Variants in RAB3D observed in about 807,000 individuals in gnomAD.
RAB3D encodes the protein RAB3D, member RAS oncogene family, also known as ras-related protein Rab-3D.
RAB3D carries 17 observed loss-of-function variants against 19.3 expected under a neutral mutation model. The observed-to-expected ratio is 0.88, with a 90% CI of 0.60 to 1.32. RAB3D has a LOEUF of 1.32. Ranked by LOEUF, RAB3D falls within the 40% of genes most tolerant of loss-of-function variation. RAB3D has a pLI of 0.00. For missense variants in RAB3D, 223 were observed against 299.1 expected (o/e 0.75, Z 1.88); for synonymous variants, 103 against 119.9 (o/e 0.86, Z 0.92).
chr19:11,335,031 T>C (rs2080847363), intron 4 of RAB3D, among the ~76,000 whole-genome samples: 2 of 152,032 alleles, frequency 1.3e-5, no homozygotes, highest in South Asian at 4.1e-4. Context: ...AAATAAAAAA[T>C]AAAAAAATAA....
At position 11,324,142 on chromosome 19, in the gene RAB3D, C is replaced by T. The variant is rs1467747424; in HGVS notation, c.*1256G>A. ...CAAGTTACTCAATCCTACCTCCTCA[C>T]CCCTTCCGCCCAACCCCCAGCATCC... On this transcript the variant is annotated 3_prime_UTR_variant, in exon 5 of 5. Transcript: ENST00000222120. 6.6e-6 allele frequency: 1 copy of T among 152,196 alleles called. No homozygotes were observed. The highest frequency in any genetic ancestry group is 1.5e-5 in the Non-Finnish European group (1 of 68,170). 9.4% of individuals were successfully genotyped at this position (152,196 alleles called of 1,614,324 possible).
At position 11,325,407 on chromosome 19, in the gene RAB3D, G is replaced by A. The variant is rs1168770755; in HGVS notation, c.651C>T (p.Cys217=). 4 of 1,542,940 alleles carry A rather than the reference G, an allele frequency of 2.6e-6. No homozygotes were observed. Among genetic ancestry groups the A allele is most frequent in the Admixed American group, 3.5e-5 (2 of 56,566 alleles). ...GGGTTGGGGGCCATCTCTAGCAGCT[G>A]CAGCTGCTGGGCTGGGGGGCTGGAG... The part of the protein sequence containing the change: ...GDAPAPQPSS[C]SC Residue 217 remains cysteine (C), a synonymous_variant, in exon 5 of 5, where the codon TGC becomes TGT. Transcript: ENST00000222120.
chr19:11,338,197 A>G (rs1966916316), intron 1 of RAB3D, among the ~76,000 whole-genome samples: 1 of 152,218 alleles, frequency 6.6e-6, no homozygotes, highest in Non-Finnish European at 1.5e-5. Flanking sequence ...CCTGTGGCGT[A>G]ACTGAGTCTG....
intron 2 of RAB3D, 68 bp downstream of exon 2, chr19:11,337,104 A>AG: frequency 7.2e-7 from 1 of 1,379,938 alleles, no homozygotes; most frequent in Non-Finnish European, 1.0e-6. Flanking sequence ...AAAAAAAAAA[A>AG]AAGAACCCTC....
chr19:11,328,864 T>G (rs1294884227), intron 4 of RAB3D, among the ~76,000 whole-genome samples: 2 of 151,898 alleles, frequency 1.3e-5, no homozygotes, highest in Non-Finnish European at 2.9e-5. Flanking sequence ...AAAAGTAATT[T>G]GTAATCTCAT....
At chr19:11,332,718 C>T (rs1021321873) in intron 4 of RAB3D, among the ~76,000 whole-genome samples, 2 of 152,130 alleles carry the variant, frequency 1.3e-5, no homozygotes, top group African/African-American at 4.8e-5. Flanking sequence ...TGGCCTGAAG[C>T]AATCCTCCTA....
rs907283168 is a variant in RAB3D, at chr19:11,323,816, A to T, written c.*1582T>A. On this transcript the variant is annotated 3_prime_UTR_variant, in exon 5 of 5. Transcript: ENST00000222120. ...CTGAAACAGAGTCAGGGACGTGGGA[A>T]CATAAAACATCCACTTAGCCATCCT... 3.9e-5 allele frequency: 6 copies of T among 152,208 alleles called. No individual in the cohort carries two copies. Among genetic ancestry groups the T allele is most frequent in the African/African-American group, 1.4e-4 (6 of 41,442 alleles). The allele number at this position is 152,208 out of a possible 1,614,324, so 9.4% of individuals were successfully genotyped here.
chr19:11,328,333 CAAA>C (rs71164187), intron 4 of RAB3D, among the ~76,000 whole-genome samples: 3 of 57,830 alleles, frequency 5.2e-5, no homozygotes, highest in Non-Finnish European at 1.0e-4. Flanking sequence ...GATATTATCT[CAAA>C]AAAAAAAAAA....
chr19:11,329,088 T>C (rs772089767), intron 4 of RAB3D, among the ~76,000 whole-genome samples: 2 of 151,908 alleles, frequency 1.3e-5, no homozygotes, highest in Non-Finnish European at 2.9e-5. Flanking sequence ...CAGCCGATTT[T>C]TGGTATTTTT....
At chr19:11,330,221 T>C (rs2080830959) in intron 4 of RAB3D, among the ~76,000 whole-genome samples, 1 of 152,252 alleles carries the variant, frequency 6.6e-6, no homozygotes, top group Non-Finnish European at 1.5e-5. Flanking sequence ...GGACTGGTTA[T>C]GGCTTAGAGG....
At chr19:11,337,134 GAC>G in intron 2 of RAB3D, 36 bp downstream of exon 2, 1 of 1,567,150 alleles carries the variant, frequency 6.4e-7, no homozygotes, top group South Asian at 1.1e-5. Flanking sequence ...TTCCTGGAGG[GAC>G]CCCACCCCCA....
At chr19:11,333,236 C>T (rs781299268) in intron 4 of RAB3D, among the ~76,000 whole-genome samples, 4 of 151,832 alleles carry the variant, frequency 2.6e-5, no homozygotes, top group Admixed American at 6.6e-5. Flanking sequence ...CCCACCACCA[C>T]GCCTGGCTAA....
intron 4 of RAB3D, chr19:11,326,869 C>A: frequency 1.6e-6 from 1 of 623,870 alleles, no homozygotes; most frequent in South Asian, 1.8e-5. Flanking sequence ...CTAGGCCTCC[C>A]AAAGTGCTGG....
intron 4 of RAB3D, 44 bp from the exon 5 acceptor site, chr19:11,325,629 GCA>G: frequency 6.4e-7 from 1 of 1,553,826 alleles, no homozygotes; most frequent in African/African-American, 1.4e-5. Flanking sequence ...ACCCCTGAGG[GCA>G]GAGTCTCAGC....
chr19:11,330,937 G>A (rs755086374), intron 4 of RAB3D, among the ~76,000 whole-genome samples: 1 of 151,532 alleles, frequency 6.6e-6, no homozygotes, highest in Non-Finnish European at 1.5e-5. Context: ...GATCACTTGA[G>A]CCCAGGAGTT....
intron 4 of RAB3D, among the ~76,000 whole-genome samples, chr19:11,330,703 C>G (rs2080832569): frequency 6.6e-6 from 1 of 152,074 alleles, no homozygotes; most frequent in African/African-American, 2.4e-5. Flanking sequence ...GTGTGTACCA[C>G]CACACCCGGC....
intron 4 of RAB3D, among the ~76,000 whole-genome samples, chr19:11,334,046 T>A (rs897483124): frequency 6.6e-6 from 1 of 152,168 alleles, no homozygotes; most frequent in African/African-American, 2.4e-5. Flanking sequence ...TTATGCATTG[T>A]CTGTGGCTGC....
In RAB3D at chr19:11,324,626, T is replaced by C. The variant is rs1179012265; in HGVS notation, c.*772A>G. 6.6e-6 allele frequency: 1 copy of C among 152,578 alleles called. No individual in the cohort carries two copies. The highest frequency in any genetic ancestry group is 1.5e-5 in the Non-Finnish European group (1 of 68,040). The allele number at this position is 152,578 out of a possible 1,614,324, so 9.5% of individuals were successfully genotyped here. A position where few individuals can be genotyped will look rare whatever the true frequency, so the allele number is the denominator to read the frequency against. On this transcript the variant is annotated 3_prime_UTR_variant, in exon 5 of 5. Transcript: ENST00000222120. The stretch of plus-strand genomic sequence containing the variant: ...TTGGGCGAATCTCTGCCCAGTCTAA[T>C]GTGGTCCATAGTTCCAGAATTCACT...
chr19:11,329,868 G>T (rs1297319314), intron 4 of RAB3D, among the ~76,000 whole-genome samples: 2 of 152,052 alleles, frequency 1.3e-5, no homozygotes, highest in African/African-American at 4.8e-5. Context: ...TTTTGGTAGA[G>T]ACAGGGTTTT....
Sources: gnomAD v4.1 joint callset for allele counts (sites outside exome capture counted in the v4.1 genomes callset) on GRCh38, gnomAD v4.1.1 for gene constraint, MANE v1.5 for transcripts, NCBI Gene and HGNC (gene_info 2026-07-23, HGNC 2026-07-21) for gene names.